Variants in DNER observed in about 807,000 individuals in gnomAD.
DNER encodes the protein delta/notch like EGF repeat containing.
A neutral mutation model predicts 78.2 loss-of-function variants in DNER; 33 were observed. The ratio of observed to expected loss-of-function variants is 0.42; its 90% CI spans 0.32 to 0.56. The LOEUF (loss-of-function observed/expected upper bound fraction) is 0.56. Among genes scored for constraint, DNER ranks in the 20% least tolerant of loss-of-function variants. The pLI is 0.11. For synonymous variants in DNER, 417 were observed against 384.8 expected, an observed-to-expected ratio of 1.08 and a Z score of -0.98; for missense variants, 918 against 975.3, an observed-to-expected ratio of 0.94 and a Z score of 0.78.
chr2:229,640,900 G>A lies in DNER; in HGVS notation c.277-49012C>T, dbSNP rs1698608876. Reference sequence around the variant, plus strand: ...GTTGCGGTTCGGCTGAGTAGGTGCAGCAGAATGTCCAAAGGGGTGAGGGAG... The same window carrying A: ...GTTGCGGTTCGGCTGAGTAGGTGCAACAGAATGTCCAAAGGGGTGAGGGAG... On this transcript the variant is annotated intron_variant, in intron 1 of 12. Transcript: ENST00000341772. Among the ~76,000 whole-genome samples the A allele has an allele frequency of 2.0e-5, 3 of 152,300 alleles. 1 individual carries two copies. The South Asian group carries it at 6.2e-4, about 32-fold the overall frequency.
chr2:229,390,901 C>T (rs1244685328), intron 10 of DNER, among the ~76,000 whole-genome samples: 1 of 152,138 alleles, frequency 6.6e-6, no homozygotes, highest in Non-Finnish European at 1.5e-5. Flanking sequence ...ATCAGTTATT[C>T]CTTGGGTTTA....
At chr2:229,471,988 G>A (rs1483537138) in intron 7 of DNER, among the ~76,000 whole-genome samples, 3 of 152,102 alleles carry the variant, frequency 2.0e-5, no homozygotes, top group Non-Finnish European at 4.4e-5. Context: ...CTCCATCCTT[G>A]GCTATGAGAG....
At position 229,584,128 on chromosome 2, in the gene DNER, T is replaced by G. The variant is rs550634045; in HGVS notation, c.847+1730A>C. On this transcript the variant is annotated intron_variant, in intron 4 of 12. Transcript: ENST00000341772. Reference sequence around the variant, plus strand: ...GGTGAGTCTAAATGCATATTTTCCATTTAGCAAAATATTTAGTGTACACCA... The same window carrying G: ...GGTGAGTCTAAATGCATATTTTCCAGTTAGCAAAATATTTAGTGTACACCA... Among the ~76,000 whole-genome samples the G allele has an allele frequency of 6.6e-5, 10 of 152,298 alleles. No individual in the cohort carries two copies. In the South Asian group the frequency reaches 1.9e-3, roughly 28 times the overall value.
intron 9 of DNER, among the ~76,000 whole-genome samples, chr2:229,414,764 C>T (rs944659581): frequency 6.6e-6 from 1 of 152,182 alleles, no homozygotes; most frequent in Non-Finnish European, 1.5e-5. Context: ...AGCTTCCAAC[C>T]AAGAGCAAAT....
At position 229,358,552 on chromosome 2, in the gene DNER, A is replaced by G. The variant is rs1314404299; in HGVS notation, c.2202T>C (p.Thr734=). The G allele has an allele frequency of 6.2e-7, 1 of 1,607,178 alleles. No homozygotes were observed. The highest frequency in any genetic ancestry group is 8.5e-7 in the Non-Finnish European group (1 of 1,176,958). The change falls in exon 13 of 13, where the codon ACT becomes ACC. Residue 734 remains threonine (T), a synonymous_variant. Coordinates refer to ENST00000341772, the MANE Select transcript of DNER (RefSeq NM_139072.4). ...DDKPLVTLIK[T]KDL is the part of the protein sequence containing the mutation. ...ATCCAAAAAAAGATTACAAATCTTT[A>G]GTTTTAATCAGTGTGACCAAGGGTT...
Position 229,546,927 on chromosome 2 carries a change from G to A in DNER, c.993+20C>T. The A allele has an allele frequency of 1.2e-6, 2 of 1,613,796 alleles. No homozygotes were observed. The highest frequency in any genetic ancestry group is 1.7e-6 in the Non-Finnish European group (2 of 1,179,892). ...TTCATGTAAATATGTGTATTTACAAGCTACCAGGCATCCCCTTACCTCTGA... is the reference window on the plus strand; with the variant it reads ...TTCATGTAAATATGTGTATTTACAAACTACCAGGCATCCCCTTACCTCTGA... On this transcript the variant is annotated intron_variant, in intron 5 of 12. Coordinates refer to ENST00000341772, the MANE Select transcript of DNER (RefSeq NM_139072.4).
intron 10 of DNER, among the ~76,000 whole-genome samples, chr2:229,390,662 A>G (rs1361995478): frequency 6.6e-6 from 1 of 152,230 alleles, no homozygotes; most frequent in African/African-American, 2.4e-5. Context: ...GGCCAAACCT[A>G]TCTCATTCTG....
chr2:229,468,948 T>C (rs1483085926), intron 7 of DNER, among the ~76,000 whole-genome samples: 1 of 152,180 alleles, frequency 6.6e-6, no homozygotes, highest in Non-Finnish European at 1.5e-5. Flanking sequence ...CCAGATGAGA[T>C]GAGAGCTCCT....
chr2:229,615,080 CAAT>C (rs1230367937), intron 1 of DNER, among the ~76,000 whole-genome samples: 3 of 152,200 alleles, frequency 2.0e-5, no homozygotes, highest in Admixed American at 6.5e-5. Flanking sequence ...CACCCCCACT[CAAT>C]GATGCATTTT....
intron 1 of DNER, among the ~76,000 whole-genome samples, chr2:229,604,711 G>T (rs574242765): frequency 6.6e-6 from 1 of 152,210 alleles, no homozygotes; most frequent in African/African-American, 2.4e-5. Flanking sequence ...GGAAACAGCT[G>T]CTCTAATTTT....
intron 1 of DNER, among the ~76,000 whole-genome samples, chr2:229,628,629 G>A (rs956662085): frequency 2.0e-5 from 3 of 152,136 alleles, no homozygotes; most frequent in Non-Finnish European, 4.4e-5. Context: ...GGAGCTCTGT[G>A]GTGGAATGAA....
chr2:229,710,628 A>G (rs1019753419), intron 1 of DNER, among the ~76,000 whole-genome samples: 3 of 152,146 alleles, frequency 2.0e-5, no homozygotes, highest in African/African-American at 7.2e-5. Context: ...ATTTTCATAT[A>G]CAGTTTTAAA....
At chr2:229,570,268 C>G (rs1038164863) in intron 4 of DNER, among the ~76,000 whole-genome samples, 2 of 152,184 alleles carry the variant, frequency 1.3e-5, no homozygotes, top group African/African-American at 4.8e-5. Flanking sequence ...GCAAAACACA[C>G]AAAGTTCCCT....
chr2:229,689,745 T>C (rs1460648733), intron 1 of DNER, among the ~76,000 whole-genome samples: 2 of 152,136 alleles, frequency 1.3e-5, no homozygotes, highest in Non-Finnish European at 2.9e-5. Context: ...ATTATGATAA[T>C]CATAGTCTTC....
chr2:229,532,317 T>C (rs559099682), intron 5 of DNER, among the ~76,000 whole-genome samples: 124 of 152,202 alleles, frequency 8.1e-4, no homozygotes, highest in African/African-American at 2.9e-3. Context: ...ACACCCCACC[T>C]AACCATTCTG....
At chr2:229,519,624 C>T (rs905855801) in intron 5 of DNER, among the ~76,000 whole-genome samples, 2 of 152,168 alleles carry the variant, frequency 1.3e-5, no homozygotes, top group African/African-American at 4.8e-5. Context: ...CTTGAACTCA[C>T]ATTGTCTAAT....
At chr2:229,411,038 G>A (rs1693507291) in intron 9 of DNER, among the ~76,000 whole-genome samples, 1 of 152,124 alleles carries the variant, frequency 6.6e-6, no homozygotes, top group Admixed American at 6.5e-5. Context: ...ATTCCTGTGT[G>A]TGTCACTCAG....
chr2:229,709,767 C>T (rs144472469), intron 1 of DNER, among the ~76,000 whole-genome samples: 95 of 151,840 alleles, frequency 6.3e-4, no homozygotes, highest in African/African-American at 2.0e-3. Flanking sequence ...GAACATGTAA[C>T]GAAAAAACAA....
intron 8 of DNER, among the ~76,000 whole-genome samples, chr2:229,426,630 G>A (rs1693884958): frequency 6.6e-6 from 1 of 151,730 alleles, no homozygotes; most frequent in African/African-American, 2.4e-5. Context: ...ATCTGTGTGG[G>A]TGCGTGTGTG....
Sources: gnomAD v4.1 joint callset for allele counts (sites outside exome capture counted in the v4.1 genomes callset) on GRCh38, gnomAD v4.1.1 for gene constraint, MANE v1.5 for transcripts, NCBI Gene and HGNC (gene_info 2026-07-23, HGNC 2026-07-21) for gene names.